Variants in KIF20B observed in about 807,000 individuals in gnomAD.
The protein encoded by KIF20B is kinesin family member 20B.
Under a neutral mutation model 232.5 loss-of-function variants are expected in KIF20B, and 188 were observed. The observed-to-expected ratio is 0.81, with a 90% CI of 0.72 to 0.91. KIF20B has a LOEUF of 0.91. Ranked by LOEUF, KIF20B falls within the 40% of genes least tolerant of loss-of-function variation. The pLI is 0.00. For missense variants in KIF20B, 2,154 were observed against 2,055.9 expected (o/e 1.05, Z -0.92); for synonymous variants, 712 against 683.0 (o/e 1.04, Z -0.66).
In KIF20B at chr10:89,751,382, G is replaced by T. The variant is rs750403068; in HGVS notation, c.4133G>T (p.Arg1378Leu). The change falls in exon 24 of 33, where the codon CGA becomes CTA. Residue 1378 changes from arginine to leucine, a missense_variant. Transcript: ENST00000371728. ...NVKEKIIEDM[R>L]MTLEEQEQTQ... ...AAAGAGAAAATAATTGAAGACATGC[G>T]AATGACACTAGAAGAACAGGAACAA... The T allele has an allele frequency of 2.5e-6, 4 of 1,606,076 alleles. No individual in the cohort carries two copies. The highest frequency in any genetic ancestry group is 1.7e-5 in the Admixed American group (1 of 59,168).
chr10:89,770,100 C>T (rs1842435750), intron 31 of KIF20B, among the ~76,000 whole-genome samples: 1 of 152,014 alleles, frequency 6.6e-6, no homozygotes, highest in Admixed American at 6.6e-5. Flanking sequence ...GACCAAACAA[C>T]CACTGAAAAT....
At chr10:89,717,378 G>T (rs1254997081) in intron 9 of KIF20B, 46 bp from the exon 10 acceptor site, 3 of 1,200,672 alleles carry the variant, frequency 2.5e-6, no homozygotes, top group Non-Finnish European at 3.6e-6. Context: ...TATTTAGAAT[G>T]CAGAAATTAA....
At chr10:89,748,898 C>T (rs1344743777) in intron 23 of KIF20B, among the ~76,000 whole-genome samples, 1 of 151,976 alleles carries the variant, frequency 6.6e-6, no homozygotes, top group African/African-American at 2.4e-5. Context: ...TCACTTGTAA[C>T]CTACATATGT....
Position 89,754,674 on chromosome 10 carries a change from G to C in KIF20B, c.4503+1G>C. ...TTTTTTTAAGCAACAGAATGAAATG[G>C]TTAGTAACAATTGTATCTTTGATGT... is the stretch of plus-strand genomic sequence containing the variant. On this transcript the variant is annotated splice_donor_variant, in intron 26 of 32. Transcript: ENST00000371728. LOFTEE classifies it high-confidence loss of function. The C allele has an allele frequency of 2.6e-6, 4 of 1,536,956 alleles. No homozygotes were observed. Among genetic ancestry groups the C allele is most frequent in the Non-Finnish European group, 3.5e-6 (4 of 1,142,914 alleles).
At chr10:89,739,408 G>A (rs1161920228) in intron 21 of KIF20B, among the ~76,000 whole-genome samples, 1 of 152,136 alleles carries the variant, frequency 6.6e-6, no homozygotes, top group Non-Finnish European at 1.5e-5. Context: ...AGAATGTGCA[G>A]TATGATTTTT....
At chr10:89,727,660 C>T (rs1843219243) in intron 16 of KIF20B, among the ~76,000 whole-genome samples, 196 bp from the exon 17 acceptor site, 1 of 151,942 alleles carries the variant, frequency 6.6e-6, no homozygotes, top group Non-Finnish European at 1.5e-5. Flanking sequence ...GTGGCTTTTT[C>T]TGAAACATTA....
Position 89,736,054 on chromosome 10 carries a change from A to G in KIF20B, c.2546-1333A>G, listed in dbSNP as rs550124956. 1.6e-4 allele frequency among the ~76,000 whole-genome samples: 25 copies of G among 152,358 alleles called. No individual in the cohort carries two copies. The South Asian group carries it at 4.6e-3, about 28-fold the overall frequency. On this transcript the variant is annotated intron_variant, in intron 19 of 32. Transcript: ENST00000371728. ...GGGAGTGAATGGCGGTCAGAAGAAC[A>G]TATGGAATTGATTGTATTAGAGCAA...
intron 18 of KIF20B, among the ~76,000 whole-genome samples, chr10:89,729,590 T>C (rs1319279323): frequency 6.6e-6 from 1 of 152,224 alleles, no homozygotes; most frequent in African/African-American, 2.4e-5. Context: ...AACCAGATTA[T>C]AATGTTTCAG....
rs775516956 is a variant in KIF20B, at chr10:89,738,575, TAAA to T, written c.3736_3738del (p.Lys1246del). On this transcript the variant is annotated inframe_deletion, in exon 20 of 33. Coordinates refer to ENST00000371728, the MANE Select transcript of KIF20B (RefSeq NM_001284259.2). ...CAAGATATGAAACATTTACTTCAATTAAAAGAAGAAGAAGAAGAAACCAACAGG... is the reference window on the plus strand; with the variant it reads ...CAAGATATGAAACATTTACTTCAATTAGAAGAAGAAGAAGAAACCAACAGG... 9.2e-5 allele frequency: 144 copies of T among 1,563,954 alleles called. No individual in the cohort carries two copies. The East Asian group carries it at 1.1e-3, about 12-fold the overall frequency.
At position 89,711,058 on chromosome 10, in the gene KIF20B, T is replaced by A; in HGVS notation, c.588T>A (p.His196Gln). 6.2e-7 allele frequency: 1 copy of A among 1,608,640 alleles called. No homozygotes were observed. The highest frequency in any genetic ancestry group is 8.5e-7 in the Non-Finnish European group (1 of 1,176,762). The change falls in exon 6 of 33, where the codon CAT becomes CAA. Residue 196 changes from histidine (H) to glutamine (Q), a missense_variant. His to Gln is a conservative substitution (Grantham distance 24, BLOSUM62 0). Coordinates refer to ENST00000371728, the MANE Select transcript of KIF20B (RefSeq NM_001284259.2). ...ATACAAAGATGAACCTTAAACCACA[T>A]AGATCCAGAGAATACTTAAGGTTAT... ...RLYTKMNLKP[H>Q]RSREYLRLSS...
In KIF20B at chr10:89,719,462, T is replaced by C. The variant is rs1230598592; in HGVS notation, c.1478T>C (p.Phe493Ser). 7 of 1,600,252 alleles carry C rather than the reference T, an allele frequency of 4.4e-6. No homozygotes were observed. Among genetic ancestry groups the C allele is most frequent in the African/African-American group, 2.7e-5 (2 of 73,898 alleles). Residue 493 changes from phenylalanine (F) to serine (S), a missense_variant, in exon 13 of 33, where the codon TTT (phenylalanine) becomes TCT (serine). By Grantham distance (155) the Phe-to-Ser change is radical. Transcript: ENST00000371728. ...DTLNSSQEKL[F>S]GPVKSSQDVS... ...TTAAATTCCTCTCAAGAGAAATTAT[T>C]TGGACCTGTCAAATCTTCTCAAGAT...
intron 29 of KIF20B, among the ~76,000 whole-genome samples, chr10:89,765,882 G>A (rs1386902562): frequency 6.6e-6 from 1 of 152,138 alleles, no homozygotes; most frequent in East Asian, 1.9e-4. Context: ...CTGTTAGTCT[G>A]ATGGGCTTCC....
chr10:89,705,257 A>G (rs1287599100), intron 1 of KIF20B, 37 bp from the exon 2 acceptor site: 1 of 1,600,728 alleles, frequency 6.2e-7, no homozygotes. Context: ...ATGCTGACTT[A>G]TTAAGGTTGT....
intron 29 of KIF20B, among the ~76,000 whole-genome samples, chr10:89,763,391 G>T (rs1190213578): frequency 6.6e-6 from 1 of 152,174 alleles, no homozygotes. Context: ...AATGATGGTG[G>T]ATTTTACTGG....
intron 1 of KIF20B, among the ~76,000 whole-genome samples, chr10:89,704,329 C>G (rs1436813077): frequency 1.3e-5 from 2 of 152,052 alleles, no homozygotes; most frequent in Non-Finnish European, 2.9e-5. Context: ...CTAGTAGATT[C>G]TCAGTAAATA....
At chr10:89,727,260 C>CCCCCT (rs1843211823) in intron 16 of KIF20B, among the ~76,000 whole-genome samples, 2 of 147,222 alleles carry the variant, frequency 1.4e-5, no homozygotes, top group Admixed American at 6.8e-5. Flanking sequence ...TTCCCCCCCC[C>CCCCCT]TTTTTTTTTT....
intron 8 of KIF20B, among the ~76,000 whole-genome samples, chr10:89,716,207 ACT>A (rs750711535): frequency 6.6e-6 from 1 of 151,896 alleles, no homozygotes; most frequent in Admixed American, 6.6e-5. Context: ...CGTTTGGCAG[ACT>A]CTGTTGACAA....
intron 18 of KIF20B, among the ~76,000 whole-genome samples, chr10:89,732,599 A>T (rs1325776589): frequency 6.6e-6 from 1 of 152,222 alleles, no homozygotes; most frequent in Non-Finnish European, 1.5e-5. Context: ...GACAATACTA[A>T]TCTTTAAGAG....
At chr10:89,704,248 C>T (rs1404292016) in intron 1 of KIF20B, among the ~76,000 whole-genome samples, 1 of 152,112 alleles carries the variant, frequency 6.6e-6, no homozygotes, top group Non-Finnish European at 1.5e-5. Flanking sequence ...TTGGGAGTCA[C>T]TGATCTGTAT....
Sources: allele counts gnomAD v4.1 joint callset (sites outside exome capture counted in the v4.1 genomes callset), GRCh38; gene constraint gnomAD v4.1.1; transcripts MANE v1.5; gene names NCBI Gene and HGNC (gene_info 2026-07-23, HGNC 2026-07-21).